The following TGIF1 variants were observed in gnomAD, a reference collection of about 807,000 sequenced individuals.
The protein encoded by TGIF1 is TGFB induced factor homeobox 1, also known as homeobox protein TGIF1.
A neutral mutation model predicts 19.3 loss-of-function variants in TGIF1; 4 were observed. The ratio of observed to expected loss-of-function variants is 0.21; its 90% confidence interval spans 0.10 to 0.47. The LOEUF (loss-of-function observed/expected upper bound fraction) is 0.47. TGIF1 is among the 20% of genes least tolerant of loss of function. The pLI, the probability that TGIF1 is intolerant of heterozygous loss-of-function variation, is 0.98. For synonymous variants in TGIF1, 122 were observed against 129.3 expected, an observed-to-expected ratio of 0.94 and a Z score of 0.38; for missense variants, 275 against 341.4, an observed-to-expected ratio of 0.81 and a Z score of 1.53.
Position 3,451,352 on chromosome 18 carries a change from CG to C in TGIF1, c.16+853del, listed in dbSNP as rs767079396. On this transcript the variant is annotated intron_variant, in intron 1 of 2. Coordinates refer to ENST00000343820, the MANE Select transcript of TGIF1 (RefSeq NM_003244.4). The surrounding 1 kb of genome is among the most constrained non-coding windows in gnomAD (Gnocchi z 5.4). ...AAAAACAAAATACACCGGAGGGGGA[CG>C]GGGGGTGGAGAAACCACACAAAACA... 7.1e-6 allele frequency: 7 copies of C among 984,940 alleles called. No individual in the cohort carries two copies. The East Asian group carries it at 8.0e-4, about 112-fold the overall frequency. 61.0% of individuals were successfully genotyped at this position (984,940 alleles called of 1,614,324 possible). A position where few individuals can be genotyped will look rare whatever the true frequency, so the allele number is the denominator to read the frequency against.
chr18:3,447,974 A>G (rs963226893), upstream of TGIF1: 33 of 914,972 alleles, frequency 3.6e-5, no homozygotes, highest in Middle Eastern at 5.5e-4. Context: ...CTTGGACGAA[A>G]GCAAAGCTAC....
At position 3,432,112 on chromosome 18, in the gene TGIF1, A is replaced by G. The variant is rs904695836; in HGVS notation, c.-45+13897A>G. Among the ~76,000 whole-genome samples the G allele has an allele frequency of 1.3e-4, 18 of 142,588 alleles. No individual in the cohort carries two copies. The East Asian group carries it at 1.6e-3, about 12-fold the overall frequency. 93.5% of individuals were successfully genotyped at this position (142,588 alleles called of 152,430 possible). A position where few individuals can be genotyped will look rare whatever the true frequency, so the allele number is the denominator to read the frequency against. ...CATTGCACTCCAACCTGGGCAACAG[A>G]ACAAAACTGTCAAAAAAAAAAAAAA... On this transcript the variant is annotated intron_variant, in intron 2 of 3. Transcript: ENST00000401449.
intron 2 of TGIF1, among the ~76,000 whole-genome samples, chr18:3,436,744 G>A (rs532341691): frequency 2.6e-5 from 4 of 151,806 alleles, no homozygotes; most frequent in Non-Finnish European, 4.4e-5. Flanking sequence ...TCTTGAACCC[G>A]GGAAGTGGAG....
upstream of TGIF1, chr18:3,450,030 A>C: frequency 1.0e-6 from 1 of 992,518 alleles, no homozygotes; most frequent in Non-Finnish European, 1.2e-6. Flanking sequence ...GGGACGAGTG[A>C]CAGCGGCCGC....
rs950622683 is a variant in TGIF1 at position 3,451,120 on chromosome 18, C to T, written c.16+615C>T. On this transcript the variant is annotated intron_variant, in intron 1 of 2. Transcript: ENST00000343820. This position sits in a 1 kb window ranked among gnomAD's most constrained non-coding sequence, Gnocchi z 5.4. ...TTTGGAAAGCTAGACTTTTACAAAT[C>T]CCCAGTCTCTAAAAGTTTTCCCACG... 6.6e-6 allele frequency among the ~76,000 whole-genome samples: 1 copy of T among 151,514 alleles called. No individual in the cohort carries two copies. The highest frequency in any genetic ancestry group is 1.5e-5 in the Non-Finnish European group (1 of 67,818).
At position 3,456,796 on chromosome 18, in the gene TGIF1, C is replaced by A; in HGVS notation, c.243+216C>A. 1 of 656,742 alleles carries A rather than the reference C, an allele frequency of 1.5e-6. No homozygotes were observed. The highest frequency in any genetic ancestry group is 2.4e-5 in the Admixed American group (1 of 41,844). The allele number at this position is 656,742 out of a possible 1,614,324, so 40.7% of individuals were successfully genotyped here. On this transcript the variant is annotated intron_variant, in intron 2 of 2. Transcript: ENST00000343820. The surrounding 1 kb of genome is among the most constrained non-coding windows in gnomAD (Gnocchi z 4.2). ...CTATCAGATAGCATTTCCTTTAATG[C>A]CTAAAAGAACCTTCCTTTATGCAAC...
At chr18:3,448,422 G>T, upstream of TGIF1, 1 of 993,654 alleles carries the variant, frequency 1.0e-6, no homozygotes, top group South Asian at 4.4e-5. Context: ...CGCACCGGGC[G>T]CAGCAGCTGA....
At position 3,431,083 on chromosome 18, in the gene TGIF1, G is replaced by C. The variant is rs79110261; in HGVS notation, c.-45+12868G>C. 6.6e-3 allele frequency among the ~76,000 whole-genome samples: 1,009 copies of C among 152,260 alleles called. 34 individuals are homozygous for C. The East Asian group carries it at 0.095, about 14-fold the overall frequency. ...CCTGAAGGAGTGATGGAGGTAAGTCGAAAGGATAAGGCACCCAATTTGAGG... is the reference window on the plus strand; with the variant it reads ...CCTGAAGGAGTGATGGAGGTAAGTCCAAAGGATAAGGCACCCAATTTGAGG... On this transcript the variant is annotated intron_variant, in intron 2 of 3. Coordinates refer to the TGIF1 transcript ENST00000401449.
intron 2 of TGIF1, among the ~76,000 whole-genome samples, chr18:3,438,630 A>ACACACACACACACACACACAC (rs2082645572): frequency 6.7e-5 from 3 of 44,988 alleles, no homozygotes; most frequent in African/African-American, 1.6e-4. Flanking sequence ...CACACACACG[A>ACACACACACACACACACACAC]GAAGGAAATC....
chr18:3,456,165 G>C lies in TGIF1; in HGVS notation c.17-189G>C. Reference sequence around the variant, plus strand: ...AAAGGCATCTGGCATTTGGTTGAGAGCCTCCTATGTGGTGCTAGTCAAACT... The same window carrying C: ...AAAGGCATCTGGCATTTGGTTGAGACCCTCCTATGTGGTGCTAGTCAAACT... On this transcript the variant is annotated intron_variant, in intron 1 of 2. Transcript: ENST00000343820. The surrounding 1 kb of genome is among the most constrained non-coding windows in gnomAD (Gnocchi z 4.2). 1 of 688,176 alleles carries C rather than the reference G, an allele frequency of 1.5e-6. No homozygotes were observed. Among genetic ancestry groups the C allele is most frequent in the East Asian group, 2.5e-5 (1 of 39,870 alleles). The allele number at this position is 688,176 out of a possible 1,614,324, so 42.6% of individuals were successfully genotyped here.
intron 2 of TGIF1, among the ~76,000 whole-genome samples, chr18:3,428,984 C>T (rs1289628878): frequency 2.0e-5 from 3 of 150,754 alleles, no homozygotes; most frequent in South Asian, 2.1e-4. Flanking sequence ...ACCCAGGAGG[C>T]GGAGGTTAGA....
chr18:3,421,638 C>G (rs1444425583), intron 2 of TGIF1, among the ~76,000 whole-genome samples: 2 of 151,848 alleles, frequency 1.3e-5, no homozygotes, highest in East Asian at 3.9e-4. Flanking sequence ...TCTCGAACTC[C>G]CGACCTCAGG....
chr18:3,435,135 C>T (rs755589747), intron 2 of TGIF1, among the ~76,000 whole-genome samples: 5 of 152,108 alleles, frequency 3.3e-5, no homozygotes, highest in Admixed American at 6.6e-5. Context: ...AAGTGAAAAA[C>T]TCATTTCCAT....
Position 3,451,687 on chromosome 18 carries a change from G to C in TGIF1, c.16+1182G>C, listed in dbSNP as rs2082941366. ...CGGCTGCGTTTCTGTGGGAGGCCCT[G>C]AAACGCGCGGAGCTTCCCTCTGCCT... On this transcript the variant is annotated intron_variant, in intron 1 of 2. Transcript: ENST00000343820. The surrounding 1 kb of genome is among the most constrained non-coding windows in gnomAD (Gnocchi z 5.4). 11 of 1,195,368 alleles carry C rather than the reference G, an allele frequency of 9.2e-6. No individual in the cohort carries two copies. Among genetic ancestry groups the C allele is most frequent in the Non-Finnish European group, 1.1e-5 (11 of 964,660 alleles). 74.0% of individuals were successfully genotyped at this position (1,195,368 alleles called of 1,614,324 possible).
At chr18:3,412,711 A>G (rs1298789169) in intron 1 of TGIF1, 2 of 152,250 alleles carry the variant, frequency 1.3e-5, no homozygotes, top group African/African-American at 4.8e-5. Flanking sequence ...GCATGACTGC[A>G]TTCCGGCCTT....
intron 2 of TGIF1, among the ~76,000 whole-genome samples, chr18:3,432,393 A>C (rs2082560774): frequency 6.6e-6 from 1 of 152,178 alleles, no homozygotes; most frequent in Non-Finnish European, 1.5e-5. Flanking sequence ...TTAGTCTGAA[A>C]ATTTTTGCTT....
At chr18:3,437,027 C>T (rs1233298485) in intron 2 of TGIF1, among the ~76,000 whole-genome samples, 2 of 152,000 alleles carry the variant, frequency 1.3e-5, no homozygotes, top group East Asian at 3.8e-4. Context: ...ATGGCCTGAC[C>T]CCAGGAGGCA....
chr18:3,451,017 G>A lies in TGIF1; in HGVS notation c.16+512G>A, dbSNP rs1264258884. Among the ~76,000 whole-genome samples, 1 of 125,892 alleles carries A rather than the reference G, an allele frequency of 7.9e-6. No homozygotes were observed. Among genetic ancestry groups the A allele is most frequent in the East Asian group, 2.5e-4 (1 of 4,014 alleles). 82.6% of individuals were successfully genotyped at this position (125,892 alleles called of 152,430 possible). A position where few individuals can be genotyped will look rare whatever the true frequency, so the allele number is the denominator to read the frequency against. On this transcript the variant is annotated intron_variant, in intron 1 of 2. Transcript: ENST00000343820. The surrounding 1 kb of genome is among the most constrained non-coding windows in gnomAD (Gnocchi z 5.4). ...CTACTCCCAGCCGGGCCCTAGCACT[G>A]TTCTTTAGGGATGTGGTGTTTTTAC...
chr18:3,415,473 G>A (rs1296147191), intron 1 of TGIF1: 7 of 486,276 alleles, frequency 1.4e-5, no homozygotes, highest in South Asian at 2.9e-5. Context: ...GGCCACCAAC[G>A]GAAGGAGCAA....
Sources: gnomAD v4.1 joint callset for allele counts (sites outside exome capture counted in the v4.1 genomes callset) on GRCh38, gnomAD v4.1.1 for gene constraint, Gnocchi (gnomAD v3.1) non-coding constraint, MANE v1.5 for transcripts, NCBI Gene and HGNC (gene_info 2026-07-23, HGNC 2026-07-21) for gene names.